Variants in MAP1A observed in about 807,000 individuals in gnomAD.
The protein encoded by MAP1A is microtubule-associated protein 1A.
In MAP1A, 42 loss-of-function variants were observed where a neutral mutation model predicts 185.9. The observed-to-expected ratio is 0.23, with a 90% confidence interval of 0.18 to 0.29. The LOEUF is 0.29. Among genes scored for constraint, MAP1A ranks in the 10% least tolerant of loss-of-function variants. MAP1A has a pLI of 1.00. For synonymous variants in MAP1A, 1,229 were observed against 1,335.9 expected, an observed-to-expected ratio of 0.92 and a Z score of 1.74; for missense variants, 2,995 against 3,450.4, an observed-to-expected ratio of 0.87 and a Z score of 3.31.
chr15:43,518,815 G>A (rs982711409), intron 1 of MAP1A, among the ~76,000 whole-genome samples: 2 of 151,424 alleles, frequency 1.3e-5, no homozygotes, highest in Non-Finnish European at 2.9e-5. Flanking sequence ...TTCAGTGAGA[G>A]AGCCAGGGGA....
In MAP1A at chr15:43,522,241, C is replaced by T. The variant is rs767341462; in HGVS notation, c.768C>T (p.Ala256=). The T allele has an allele frequency of 4.3e-6, 7 of 1,614,244 alleles. No individual in the cohort carries two copies. The highest frequency in any genetic ancestry group is 2.2e-5 in the South Asian group (2 of 91,082). ...SITALVVWLP[A]NPTEKIVRVL... ...CTGCTCTGGTGGTCTGGCTACCAGCCAATCCCACTGAGAAGATTGTGCGTG... is the reference window on the plus strand; with the variant it reads ...CTGCTCTGGTGGTCTGGCTACCAGCTAATCCCACTGAGAAGATTGTGCGTG... The change falls in exon 4 of 6, where the codon GCC becomes GCT. Residue 256 remains alanine (A), a synonymous_variant. Transcript: ENST00000300231. This position sits in a 1 kb window ranked among gnomAD's most constrained non-coding sequence, Gnocchi z 5.9.
At chr15:43,511,003 C>G (rs550172141) in exon 1 of MAP1A, 7 of 1,544,736 alleles carry the variant, frequency 4.5e-6, no homozygotes, top group African/African-American at 2.7e-5. Context: ...AGACCGAGGC[C>G]GAGCCTGCGC....
upstream of MAP1A, among the ~76,000 whole-genome samples, chr15:43,514,982 G>A (rs144450899): frequency 6.5e-3 from 992 of 152,284 alleles, 9 homozygotes; most frequent in African/African-American, 0.022. Flanking sequence ...TTGGGAGGCC[G>A]AGGTGGGTGG....
In MAP1A at chr15:43,527,723, T is replaced by A. The variant is rs1157610858; in HGVS notation, c.6250T>A (p.Cys2084Ser). The A allele has an allele frequency of 6.2e-7, 1 of 1,611,532 alleles. No homozygotes were observed. The highest frequency in any genetic ancestry group is 1.7e-5 in the Admixed American group (1 of 59,736). ...SPPLNGNILS[C>S]SPDRRSPSPK... is the part of the protein sequence containing the mutation. ...CCCTCTTAATGGTAACATCCTGAGC[T>A]GCAGCCCAGATAGGAGGTCCCCATC... Residue 2084 changes from cysteine to serine, a missense_variant, in exon 4 of 6, where the codon TGC becomes AGC. By Grantham distance (112) the Cys-to-Ser change is moderately radical. This residue lies in a region of MAP1A where 2,728 missense variants were observed against 2,986.0 expected (regional missense o/e 0.91). Transcript: ENST00000300231.
rs2079359174 is a variant in MAP1A, at chr15:43,528,934, C to T, written c.7461C>T (p.Thr2487=). The T allele has an allele frequency of 6.2e-7, 1 of 1,613,080 alleles. No homozygotes were observed. Among genetic ancestry groups the T allele is most frequent in the Non-Finnish European group, 8.5e-7 (1 of 1,179,974 alleles). ...GGCGCCGGGTAGGGGGGCCAGGGAC[C>T]ACTGGGGGCCCATGCCCTGTGACTG... The part of the protein sequence containing the change: ...GGRRRVGGPG[T]TGGPCPVTDE... Residue 2487 remains threonine (T), a synonymous_variant, in exon 4 of 6, where the codon ACC becomes ACT. Transcript: ENST00000300231.
chr15:43,512,164 GA>G, intron 1 of MAP1A: 3 of 1,392,300 alleles, frequency 2.2e-6, no homozygotes, highest in Non-Finnish European at 3.0e-6. Context: ...ACCTTATCCA[GA>G]ACCTTCTTTG....
Position 43,517,682 on chromosome 15 carries a change from C to T in MAP1A, c.-393C>T. ...CCGGAGCTGCCGCCTCCATGAGAGG[C>T]TTCCTCCTACACCCCAGGGTAAGAA... On this transcript the variant is annotated 5_prime_UTR_variant, in exon 1 of 6. Transcript: ENST00000300231. 1.0e-6 allele frequency: 1 copy of T among 982,086 alleles called. No individual in the cohort carries two copies. The highest frequency in any genetic ancestry group is 1.2e-6 in the Non-Finnish European group (1 of 829,120). The allele number at this position is 982,086 out of a possible 1,614,324, so 60.8% of individuals were successfully genotyped here. A position where few individuals can be genotyped will look rare whatever the true frequency, so the allele number is the denominator to read the frequency against.
At position 43,517,658 on chromosome 15, in the gene MAP1A, C is replaced by T. The variant is rs888221968; in HGVS notation, c.-417C>T. On this transcript the variant is annotated 5_prime_UTR_variant, in exon 1 of 6. Transcript: ENST00000300231. ...CTTCCCTGAAGCTGCCGGCTGAGGC[C>T]GGAGCTGCCGCCTCCATGAGAGGCT... 26 of 980,108 alleles carry T rather than the reference C, an allele frequency of 2.7e-5. No individual in the cohort carries two copies. The African/African-American group carries it at 3.9e-4, about 15-fold the overall frequency. 60.7% of individuals were successfully genotyped at this position (980,108 alleles called of 1,614,324 possible).
At position 43,525,842 on chromosome 15, in the gene MAP1A, T is replaced by C. The variant is rs548500213; in HGVS notation, c.4369T>C (p.Leu1457=). 3.2e-6 allele frequency: 5 copies of C among 1,579,240 alleles called. No individual in the cohort carries two copies. The highest frequency in any genetic ancestry group is 4.3e-6 in the Non-Finnish European group (5 of 1,165,252). ...DKIPEEKDKA[L]EQKDTALEQK... ...GATTCCAGAAGAGAAAGACAAAGCC[T>C]TAGAACAAAAGGATACAGCCCTGGA... The change falls in exon 4 of 6, where the codon TTA becomes CTA. Residue 1457 remains leucine (L), a synonymous_variant. Transcript: ENST00000300231.
chr15:43,518,515 C>A (rs1190737074), intron 1 of MAP1A, among the ~76,000 whole-genome samples: 3 of 152,076 alleles, frequency 2.0e-5, no homozygotes, highest in African/African-American at 7.2e-5. Context: ...CCATCCCCAC[C>A]CCCCATGCAG....
At chr15:43,518,559 T>TG (rs2079306942) in intron 1 of MAP1A, among the ~76,000 whole-genome samples, 1 of 151,558 alleles carries the variant, frequency 6.6e-6, no homozygotes, top group South Asian at 2.1e-4. Flanking sequence ...CATGCTGGGG[T>TG]GGGGGGTGGG....
chr15:43,513,624 T>C (rs901137441), upstream of MAP1A, among the ~76,000 whole-genome samples: 45 of 152,232 alleles, frequency 3.0e-4, no homozygotes, highest in African/African-American at 1.1e-3. Flanking sequence ...AAGGCTAATA[T>C]GACTAAAGCT....
chr15:43,525,866 G>A lies in MAP1A; in HGVS notation c.4393G>A (p.Glu1465Lys), dbSNP rs371920600. The A allele has an allele frequency of 1.9e-5, 30 of 1,609,800 alleles. No homozygotes were observed. The highest frequency in any genetic ancestry group is 2.5e-5 in the Non-Finnish European group (30 of 1,177,518). The change falls in exon 4 of 6, where the codon GAA becomes AAA. Residue 1465 changes from glutamate (E) to lysine (K), a missense_variant. Transcript: ENST00000300231. ...CTTAGAACAAAAGGATACAGCCCTG[G>A]AACAGAAGGACAAGGCCCTGGAACC... ...KALEQKDTAL[E>K]QKDKALEPKD...
At position 43,522,688 on chromosome 15, in the gene MAP1A, T is replaced by C. The variant is rs756440277; in HGVS notation, c.1215T>C (p.Leu405=). 3.1e-5 allele frequency: 49 copies of C among 1,603,234 alleles called. 1 individual carries two copies. The South Asian group carries it at 5.2e-4, about 17-fold the overall frequency. Residue 405 remains leucine (L), a synonymous_variant, in exon 4 of 6, where the codon CTT becomes CTC. Transcript: ENST00000300231. This position sits in a 1 kb window ranked among gnomAD's most constrained non-coding sequence, Gnocchi z 5.9. ...LIKDKVGKKH[L]KEKISKLEEK... is the part of the protein sequence containing the mutation. The stretch of plus-strand genomic sequence containing the variant: ...AAGACAAGGTAGGGAAAAAGCACCT[T>C]AAAGAAAAGATATCAAAGCTGGAAG...
chr15:43,527,676 T>A lies in MAP1A; in HGVS notation c.6203T>A (p.Ile2068Asn). Reference protein sequence around the residue: ...TPPAVPPRAPILSKGPSPPLN... With the variant: ...TPPAVPPRAPNLSKGPSPPLN... ...CCTGCAGTTCCCCCCCGTGCTCCTA[T>A]CCTGAGCAAAGGCCCAAGCCCCCCT... The change falls in exon 4 of 6, where the codon ATC (isoleucine) becomes AAC (asparagine). Residue 2068 changes from isoleucine to asparagine, a missense_variant. Around this residue, in one of 3 missense-constraint regions of MAP1A, gnomAD observed 2,728 missense variants for 2,986.0 expected, o/e 0.91. Coordinates refer to ENST00000300231, the MANE Select transcript of MAP1A (RefSeq NM_002373.6). 6.5e-7 allele frequency: 1 copy of A among 1,545,434 alleles called. No individual in the cohort carries two copies. Among genetic ancestry groups the A allele is most frequent in the Non-Finnish European group, 8.8e-7 (1 of 1,140,430 alleles).
rs763275297 is a variant in MAP1A, at chr15:43,523,785, G to C, written c.2312G>C (p.Ser771Thr). 1 of 1,614,054 alleles carries C rather than the reference G, an allele frequency of 6.2e-7. No individual in the cohort carries two copies. The highest frequency in any genetic ancestry group is 8.5e-7 in the Non-Finnish European group (1 of 1,180,010). Residue 771 changes from serine to threonine, a missense_variant, in exon 4 of 6, where the codon AGT becomes ACT. Around this residue, in one of 3 missense-constraint regions of MAP1A, gnomAD observed 2,728 missense variants for 2,986.0 expected, o/e 0.91. Transcript: ENST00000300231. ...CCAGCTCCACCCAGATTTCATACAA[G>C]TACATATGACCTGCCCGGGCCTGAA... ...ERPAPPRFHT[S>T]TYDLPGPEGA...
At position 43,525,250 on chromosome 15, in the gene MAP1A, T is replaced by C; in HGVS notation, c.3777T>C (p.His1259=). Residue 1259 remains histidine (H), a synonymous_variant, in exon 4 of 6, where the codon CAT becomes CAC. Coordinates refer to ENST00000300231, the MANE Select transcript of MAP1A (RefSeq NM_002373.6). ...HTAPMSVPEP[H]AATASPPTDG... is the part of the protein sequence containing the mutation. ...CTCCCATGTCTGTTCCAGAGCCCCA[T>C]GCAGCCACAGCGTCACCTCCCACAG... The C allele has an allele frequency of 6.2e-7, 1 of 1,614,168 alleles. No individual in the cohort carries two copies. Among genetic ancestry groups the C allele is most frequent in the East Asian group, 2.2e-5 (1 of 44,892 alleles).
At chr15:43,520,813 C>A in intron 2 of MAP1A, 90 bp downstream of exon 2, 1 of 1,317,586 alleles carries the variant, frequency 7.6e-7, no homozygotes, top group Non-Finnish European at 1.1e-6. Context: ...GCCAAGAATT[C>A]CTCTCTCTGC....
chr15:43,530,272 G>C lies in MAP1A; in HGVS notation c.*48G>C. Reference sequence around the variant, plus strand: ...AGGATCCACTCCCCCAGCTCCTTTAGAGAATGGCTACTGCTGAGTCCTTTG... The same window carrying C: ...AGGATCCACTCCCCCAGCTCCTTTACAGAATGGCTACTGCTGAGTCCTTTG... On this transcript the variant is annotated 3_prime_UTR_variant, in exon 6 of 6. Transcript: ENST00000300231. The C allele has an allele frequency of 6.2e-7, 1 of 1,606,866 alleles. No individual in the cohort carries two copies. Among genetic ancestry groups the C allele is most frequent in the Non-Finnish European group, 8.5e-7 (1 of 1,176,242 alleles).
Sources: allele counts gnomAD v4.1 joint callset (sites outside exome capture counted in the v4.1 genomes callset), GRCh38; gene constraint gnomAD v4.1.1; regional missense constraint gnomAD v4.1.1; non-coding constraint Gnocchi (gnomAD v3.1); transcripts MANE v1.5; gene names NCBI Gene and HGNC (gene_info 2026-07-23, HGNC 2026-07-21).